The following GALK2 variants were observed in gnomAD, a reference collection of about 807,000 sequenced individuals.
GALK2 encodes galactokinase 2.
GALK2 carries 36 observed loss-of-function variants against 52.4 expected under a neutral mutation model. The ratio of observed to expected loss-of-function variants is 0.69; its 90% CI spans 0.53 to 0.91. The LOEUF is 0.91. GALK2 is among the 40% of genes least tolerant of loss of function. The pLI is 0.00. For missense variants in GALK2, 579 were observed against 559.1 expected, an observed-to-expected ratio of 1.04 and a Z score of -0.36; for synonymous variants, 176 against 199.1, an observed-to-expected ratio of 0.88 and a Z score of 0.98.
chr15:49,337,537 G>GTATT (rs1430222001), intron 3 of GALK2, among the ~76,000 whole-genome samples: 1 of 36,188 alleles, frequency 2.8e-5, no homozygotes, highest in Admixed American at 3.1e-4. Flanking sequence ...TTTTTTTTTA[G>GTATT]TATTATACTT....
intron 1 of GALK2, among the ~76,000 whole-genome samples, chr15:49,199,975 T>C (rs2087596532): frequency 6.6e-6 from 1 of 152,224 alleles, no homozygotes; most frequent in African/African-American, 2.4e-5. Context: ...TTTTCTATTA[T>C]TTTATTACAT....
chr15:49,359,032 C>A (rs1044554325), intron 3 of GALK2, among the ~76,000 whole-genome samples: 1 of 152,008 alleles, frequency 6.6e-6, no homozygotes, highest in African/African-American at 2.4e-5. Context: ...ACTGGCTAGC[C>A]ATATGTATAA....
At chr15:49,228,660 GATATATATATAT>G (rs34288229) in intron 3 of GALK2, among the ~76,000 whole-genome samples, 2 of 14,210 alleles carry the variant, frequency 1.4e-4, no homozygotes, top group Non-Finnish European at 2.2e-4. Flanking sequence ...GTCTTTCACT[GATATATATATAT>G]ATATATATAT....
chr15:49,209,971 C>A (rs1297597520), intron 2 of GALK2, among the ~76,000 whole-genome samples: 1 of 152,178 alleles, frequency 6.6e-6, no homozygotes, highest in Non-Finnish European at 1.5e-5. Flanking sequence ...CTGAGCATTT[C>A]TTCGTTGGGA....
chr15:49,291,743 G>A (rs1470845222), intron 7 of GALK2, among the ~76,000 whole-genome samples: 1 of 152,116 alleles, frequency 6.6e-6, no homozygotes, highest in Non-Finnish European at 1.5e-5. Flanking sequence ...GAGGGTAGAG[G>A]AACATATAGC....
chr15:49,272,442 C>T (rs1275246853), intron 5 of GALK2, among the ~76,000 whole-genome samples: 1 of 152,116 alleles, frequency 6.6e-6, no homozygotes, highest in African/African-American at 2.4e-5. Flanking sequence ...TGCAGATCAC[C>T]TGGGGATCTT....
At chr15:49,302,276 AG>A in intron 8 of GALK2, among the ~76,000 whole-genome samples, 1 of 152,300 alleles carries the variant, frequency 6.6e-6, no homozygotes, top group East Asian at 1.9e-4. Flanking sequence ...GAGACTAAGG[AG>A]TAATGATAAA....
Position 49,328,873 on chromosome 15 carries a change from C to A in GALK2, c.*714C>A. ...AATATATAAATAACCACTTTCAATT[C>A]TTTTGGCCCTGAGCTATCTCCATTA... On this transcript the variant is annotated 3_prime_UTR_variant, in exon 10 of 10. Coordinates refer to ENST00000560031, the MANE Select transcript of GALK2 (RefSeq NM_002044.4). 3 of 1,331,232 alleles carry A rather than the reference C, an allele frequency of 2.3e-6. No individual in the cohort carries two copies. Among genetic ancestry groups the A allele is most frequent in the Non-Finnish European group, 2.9e-6 (3 of 1,039,234 alleles). The allele number at this position is 1,331,232 out of a possible 1,614,324, so 82.5% of individuals were successfully genotyped here.
intron 8 of GALK2, among the ~76,000 whole-genome samples, chr15:49,294,682 G>GTGACT (rs2034293885): frequency 6.6e-6 from 1 of 152,158 alleles, no homozygotes; most frequent in African/African-American, 2.4e-5. Context: ...CTACTTTATA[G>GTGACT]TGACTTAGTG....
chr15:49,352,326 A>G (rs530332746), intron 3 of GALK2, among the ~76,000 whole-genome samples: 1 of 152,352 alleles, frequency 6.6e-6, no homozygotes, highest in East Asian at 1.9e-4. Flanking sequence ...CATTGATGCT[A>G]TCTCTTGATG....
At chr15:49,186,400 G>A (rs1435138795) in intron 1 of GALK2, among the ~76,000 whole-genome samples, 1 of 151,980 alleles carries the variant, frequency 6.6e-6, no homozygotes, top group East Asian at 1.9e-4. Context: ...GCTATTGAGT[G>A]ACTCTGATGC....
intron 1 of GALK2, among the ~76,000 whole-genome samples, chr15:49,198,540 C>A (rs1354039864): frequency 6.6e-6 from 1 of 151,774 alleles, no homozygotes; most frequent in Non-Finnish European, 1.5e-5. Context: ...CTGCACAGGC[C>A]CTGTTCTTTG....
intron 8 of GALK2, among the ~76,000 whole-genome samples, chr15:49,313,546 C>T (rs1347936419): frequency 1.3e-5 from 2 of 152,248 alleles, no homozygotes; most frequent in African/African-American, 4.8e-5. Flanking sequence ...CTTCTTGGTG[C>T]ACCTTCAGCA....
intron 1 of GALK2, among the ~76,000 whole-genome samples, chr15:49,178,196 T>C (rs1331460866): frequency 1.2e-4 from 2 of 17,346 alleles, no homozygotes; most frequent in Non-Finnish European, 2.0e-4. Flanking sequence ...AAAGAAATAC[T>C]ATATATATAT....
intron 5 of GALK2, among the ~76,000 whole-genome samples, chr15:49,276,881 C>CT (rs1289561756): frequency 5.6e-5 from 5 of 89,982 alleles, no homozygotes; most frequent in African/African-American, 2.1e-4. Context: ...AGAATGCAAG[C>CT]TTTTTTCTTA....
intron 1 of GALK2, among the ~76,000 whole-genome samples, chr15:49,184,795 TA>T (rs2086229726): frequency 6.6e-6 from 1 of 152,216 alleles, no homozygotes; most frequent in Admixed American, 6.5e-5. Context: ...TTGTTGTTTT[TA>T]TTCATATCTT....
intron 3 of GALK2, among the ~76,000 whole-genome samples, chr15:49,349,197 A>G (rs1567121374): frequency 6.6e-6 from 1 of 152,156 alleles, no homozygotes; most frequent in African/African-American, 2.4e-5. Flanking sequence ...AGATATTACA[A>G]TTTTTTAATT....
At chr15:49,300,861 T>C (rs1048627533) in intron 8 of GALK2, among the ~76,000 whole-genome samples, 1 of 152,222 alleles carries the variant, frequency 6.6e-6, no homozygotes, top group African/African-American at 2.4e-5. Context: ...TTACTCAGTC[T>C]CAGGTATGTC....
At chr15:49,362,718 T>C (rs977817328) in intron 3 of GALK2, among the ~76,000 whole-genome samples, 1 of 152,062 alleles carries the variant, frequency 6.6e-6, no homozygotes, top group African/African-American at 2.4e-5. Flanking sequence ...CAGAATGGTA[T>C]GTCCTAGGTT....
Sources: allele counts gnomAD v4.1 joint callset (sites outside exome capture counted in the v4.1 genomes callset), GRCh38; gene constraint gnomAD v4.1.1; transcripts MANE v1.5; gene names NCBI Gene and HGNC (gene_info 2026-07-23, HGNC 2026-07-21).